The following WDR72 variants were observed in gnomAD, a reference collection of about 807,000 sequenced individuals.
WDR72 encodes WD repeat domain 72, also known as WD repeat-containing protein 72.
In WDR72, 120 loss-of-function variants were observed where a neutral mutation model predicts 124.2. The observed-to-expected ratio is 0.97, with a 90% CI of 0.83 to 1.12. The LOEUF (loss-of-function observed/expected upper bound fraction) is 1.12, where lower values mean the gene tolerates loss of function less well. WDR72 is among the 50% of genes most tolerant of loss of function. The probability of loss-of-function intolerance (pLI) is 0.00; values close to 1 mark genes in which losing one functional copy is unlikely to be tolerated. For missense variants in WDR72, 1,387 were observed against 1,278.8 expected (o/e 1.08, Z -1.29); for synonymous variants, 452 against 441.7 (o/e 1.02, Z -0.29).
chr15:53,616,283 ATTATT>A, intron 14 of WDR72, 40 bp from the exon 15 acceptor site: 1 of 1,516,606 alleles, frequency 6.6e-7, no homozygotes, highest in Non-Finnish European at 9.0e-7. Flanking sequence ...GTTCTTGCTT[ATTATT>A]TTATTAAAGA....
chr15:53,533,614 C>T (rs1248432101), intron 18 of WDR72, among the ~76,000 whole-genome samples: 5 of 152,104 alleles, frequency 3.3e-5, no homozygotes, highest in Admixed American at 6.6e-5. Flanking sequence ...AATCTCAACT[C>T]GCATTTAGCG....
intron 9 of WDR72, 79 bp downstream of exon 9, chr15:53,710,778 T>A (rs2017510008): frequency 4.1e-6 from 5 of 1,211,804 alleles, no homozygotes; most frequent in South Asian, 3.7e-5. Context: ...TCAAGCCTGA[T>A]TCTGTGACAG....
chr15:53,561,660 C>T (rs1894128214), intron 18 of WDR72, among the ~76,000 whole-genome samples: 1 of 151,786 alleles, frequency 6.6e-6, no homozygotes, highest in Admixed American at 6.6e-5. Context: ...TTAACAAGTT[C>T]CCTGGGTGAT....
At chr15:53,613,539 CAT>C in intron 16 of WDR72, 125 bp downstream of exon 16, 1 of 684,952 alleles carries the variant, frequency 1.5e-6, no homozygotes, top group Non-Finnish European at 2.6e-6. Flanking sequence ...TAATCACAAA[CAT>C]AGGTAAAATC....
chr15:53,608,841 G>C (rs948154150), intron 17 of WDR72, among the ~76,000 whole-genome samples: 3 of 151,978 alleles, frequency 2.0e-5, no homozygotes, highest in Non-Finnish European at 4.4e-5. Flanking sequence ...ATGGTTAGCA[G>C]AGGCTGGGAA....
At chr15:53,613,623 G>A (rs2013635119) in intron 16 of WDR72, 43 bp downstream of exon 16, 1 of 1,283,840 alleles carries the variant, frequency 7.8e-7, no homozygotes, top group Admixed American at 1.8e-5. Context: ...TCCTTTCACA[G>A]AAAAAAAAAA....
intron 1 of WDR72, among the ~76,000 whole-genome samples, chr15:53,737,532 G>A (rs1191165036): frequency 2.0e-5 from 3 of 151,934 alleles, no homozygotes; most frequent in Non-Finnish European, 4.4e-5. Context: ...GGACAAAATG[G>A]GCTTTAAAGC....
chr15:53,761,793 G>C (rs1174398749), upstream of WDR72, among the ~76,000 whole-genome samples: 3 of 152,134 alleles, frequency 2.0e-5, no homozygotes, highest in Non-Finnish European at 4.4e-5. Flanking sequence ...CTGCACTCCA[G>C]CCTGAGAAAC....
At position 53,679,853 on chromosome 15, in the gene WDR72, G is replaced by A. The variant is rs150570022; in HGVS notation, c.1766-14085C>T. On this transcript the variant is annotated intron_variant, in intron 13 of 19. Transcript: ENST00000360509. ...AATTCATGATTTTTCAGATTTTGGA[G>A]AGATAAAATAATGCACATATGCATA... Among the ~76,000 whole-genome samples the A allele has an allele frequency of 9.2e-5, 14 of 151,514 alleles. No individual in the cohort carries two copies. In the East Asian group the frequency reaches 2.5e-3, roughly 27 times the overall value.
intron 14 of WDR72, among the ~76,000 whole-genome samples, chr15:53,646,505 A>G (rs895312304): frequency 3.3e-5 from 5 of 152,114 alleles, no homozygotes; most frequent in African/African-American, 9.6e-5. Context: ...GGATAGAAAA[A>G]GAAAAGAAAT....
intron 18 of WDR72, among the ~76,000 whole-genome samples, chr15:53,557,331 C>T (rs1893967060): frequency 6.6e-6 from 1 of 152,060 alleles, no homozygotes; most frequent in Admixed American, 6.6e-5. Flanking sequence ...GAGAAAAAAA[C>T]TGACTGCTGC....
intron 14 of WDR72, among the ~76,000 whole-genome samples, chr15:53,656,792 A>G (rs1348663424): frequency 1.3e-5 from 2 of 152,078 alleles, no homozygotes; most frequent in Non-Finnish European, 2.9e-5. Context: ...AAGAGGTAAC[A>G]TTTATAATCA....
chr15:53,607,703 C>A (rs1460455157), intron 17 of WDR72, among the ~76,000 whole-genome samples: 1 of 151,934 alleles, frequency 6.6e-6, no homozygotes, highest in African/African-American at 2.4e-5. Flanking sequence ...AGGAAACAAT[C>A]AACAAAAACA....
At chr15:53,647,889 T>TGA (rs2015098301) in intron 14 of WDR72, among the ~76,000 whole-genome samples, 1 of 152,088 alleles carries the variant, frequency 6.6e-6, no homozygotes, top group South Asian at 2.1e-4. Flanking sequence ...ATATAGCCAC[T>TGA]CATTTAATCA....
At chr15:53,711,160 CCTG>C in intron 8 of WDR72, 173 bp downstream of exon 8, 1 of 947,100 alleles carries the variant, frequency 1.1e-6, no homozygotes, top group South Asian at 1.4e-5. Flanking sequence ...TCCTCCATCC[CCTG>C]CTGTTTTGTA....
chr15:53,567,930 A>G (rs1392382570), intron 18 of WDR72, among the ~76,000 whole-genome samples: 1 of 151,250 alleles, frequency 6.6e-6, no homozygotes, highest in Non-Finnish European at 1.5e-5. Flanking sequence ...TCTTAAATTC[A>G]ATATTCCTCC....
chr15:53,659,867 T>C (rs2015551287), intron 14 of WDR72, among the ~76,000 whole-genome samples: 1 of 152,156 alleles, frequency 6.6e-6, no homozygotes, highest in Non-Finnish European at 1.5e-5. Flanking sequence ...CTAACGTTTA[T>C]TTCTTTATTC....
intron 14 of WDR72, among the ~76,000 whole-genome samples, chr15:53,650,535 C>G (rs1334188961): frequency 6.6e-6 from 1 of 152,128 alleles, no homozygotes; most frequent in African/African-American, 2.4e-5. Context: ...ACTTTATATT[C>G]CATCTCCAGT....
intron 19 of WDR72, among the ~76,000 whole-genome samples, chr15:53,520,326 T>C (rs575505): frequency 0.14 from 20,768 of 152,090 alleles, 1,464 homozygotes; most frequent in African/African-American, 0.16. Context: ...TAGCATTGCA[T>C]AGATAAAACC....
Sources: gnomAD v4.1 joint callset for allele counts (sites outside exome capture counted in the v4.1 genomes callset) on GRCh38, gnomAD v4.1.1 for gene constraint, MANE v1.5 for transcripts, NCBI Gene and HGNC (gene_info 2026-07-23, HGNC 2026-07-21) for gene names.